The following KIF1B variants were observed in gnomAD, a reference collection of about 807,000 sequenced individuals.
KIF1B encodes the protein kinesin-like protein KIF1B.
A neutral mutation model predicts 241.9 loss-of-function variants in KIF1B; 76 were observed. The observed-to-expected ratio is 0.31, with a 90% CI of 0.26 to 0.38. The LOEUF is 0.38. KIF1B is among the 10% of genes least tolerant of loss of function. The pLI is 1.00. For missense variants in KIF1B, 1,622 were observed against 2,271.4 expected (o/e 0.71, Z 5.81); for synonymous variants, 750 against 796.7 (o/e 0.94, Z 0.99).
rs1638936338 is a variant in KIF1B at position 10,378,192 on chromosome 1, A to G, written c.*1605A>G. 5 of 632,254 alleles carry G rather than the reference A, an allele frequency of 7.9e-6. No homozygotes were observed. The highest frequency in any genetic ancestry group is 5.6e-5 in the South Asian group (3 of 53,698). 39.2% of individuals were successfully genotyped at this position (632,254 alleles called of 1,614,324 possible). ...TGACCACTACTCCAAACAAAACACA[A>G]TATGCCTAGGGGCACGGATGAACGT... On this transcript the variant is annotated 3_prime_UTR_variant, in exon 49 of 49. Transcript: ENST00000676179.
rs1360230792 is a variant in KIF1B, at chr1:10,380,230, TACTTGC to T, written c.*3646_*3651del. Reference sequence around the variant, plus strand: ...CTATGTATATTTATCCAGCTATACTTACTTGCACAGTGGATTGGAGAGAAAGGATTC... The same window carrying T: ...CTATGTATATTTATCCAGCTATACTTACAGTGGATTGGAGAGAAAGGATTC... On this transcript the variant is annotated 3_prime_UTR_variant, in exon 49 of 49. Coordinates refer to ENST00000676179, the MANE Select transcript of KIF1B (RefSeq NM_001365951.3). The T allele has an allele frequency of 4.7e-6, 1 of 212,304 alleles. No individual in the cohort carries two copies. The highest frequency in any genetic ancestry group is 9.6e-6 in the Non-Finnish European group (1 of 104,596). The allele number at this position is 212,304 out of a possible 1,614,324, so 13.2% of individuals were successfully genotyped here.
At chr1:10,324,629 A>T (rs951592843) in intron 25 of KIF1B, 129 bp from the exon 26 acceptor site, 1 of 1,084,140 alleles carries the variant, frequency 9.2e-7, no homozygotes, top group Admixed American at 2.1e-5. Context: ...TCTTTTTAGT[A>T]ACATTAAACA....
intron 2 of KIF1B, among the ~76,000 whole-genome samples, chr1:10,235,088 C>T (rs951985942): frequency 6.6e-6 from 1 of 151,820 alleles, no homozygotes; most frequent in Non-Finnish European, 1.5e-5. Context: ...TGGGGTTTCA[C>T]CATGTTGGCC....
chr1:10,275,960 C>T (rs955130623), intron 11 of KIF1B, among the ~76,000 whole-genome samples: 5 of 149,436 alleles, frequency 3.3e-5, no homozygotes, highest in African/African-American at 4.9e-5. Flanking sequence ...GGCTGGAGTG[C>T]GGTGGTGCAA....
At chr1:10,292,171 T>C in intron 17 of KIF1B, 49 bp downstream of exon 17, 1 of 1,470,688 alleles carries the variant, frequency 6.8e-7, no homozygotes, top group Non-Finnish European at 9.5e-7. Flanking sequence ...ACTTTTTGTT[T>C]GTCTTTGTTA....
intron 22 of KIF1B, among the ~76,000 whole-genome samples, chr1:10,300,717 A>G (rs924606797): frequency 6.6e-6 from 1 of 152,242 alleles, no homozygotes; most frequent in African/African-American, 2.4e-5. Context: ...CAGTTTATAC[A>G]TATTTGCAAA....
At chr1:10,369,072 C>CT (rs572416860) in intron 44 of KIF1B, among the ~76,000 whole-genome samples, 121 of 152,284 alleles carry the variant, frequency 7.9e-4, no homozygotes, top group African/African-American at 2.8e-3. Context: ...TCCCTTACCT[C>CT]TTTCATTTTT....
chr1:10,334,650 T>G lies in KIF1B; in HGVS notation c.3043+12T>G. The G allele has an allele frequency of 1.3e-6, 2 of 1,590,772 alleles. No homozygotes were observed. Among genetic ancestry groups the G allele is most frequent in the South Asian group, 1.1e-5 (1 of 90,498 alleles). On this transcript the variant is annotated intron_variant, in intron 28 of 48. Transcript: ENST00000676179. Reference sequence around the variant, plus strand: ...ACAGGCCATCGCAGGTAGGTGACCCTCTTCTGAAATGAGAGCTGTGAGTTC... The same window carrying G: ...ACAGGCCATCGCAGGTAGGTGACCCGCTTCTGAAATGAGAGCTGTGAGTTC...
chr1:10,271,607 G>C, intron 8 of KIF1B, 28 bp downstream of exon 8: 4 of 1,477,406 alleles, frequency 2.7e-6, no homozygotes, highest in Non-Finnish European at 3.8e-6. Flanking sequence ...TAAATGGCCT[G>C]ATCAATAAAT....
rs886044986 is a variant in KIF1B at position 10,376,866 on chromosome 1, C to CAT, written c.*281_*282dup. 5.1e-3 allele frequency: 1,720 copies of CAT among 339,068 alleles called. 23 individuals carry two copies. The highest frequency in any genetic ancestry group is 0.05 in the Admixed American group (1,178 of 23,470). 21.0% of individuals were successfully genotyped at this position (339,068 alleles called of 1,614,324 possible). ...ACACACACACACACACACACACACACATACACAGACAAAAACACAAAAACT... is the reference window on the plus strand; with the variant it reads ...ACACACACACACACACACACACACACATATACACAGACAAAAACACAAAAACT... On this transcript the variant is annotated 3_prime_UTR_variant, in exon 49 of 49. Transcript: ENST00000676179.
At chr1:10,233,568 T>C (rs932248626) in intron 2 of KIF1B, among the ~76,000 whole-genome samples, 19 of 152,196 alleles carry the variant, frequency 1.2e-4, no homozygotes, top group African/African-American at 4.6e-4. Flanking sequence ...TGTAGTTCAC[T>C]CTTCTATGTC....
chr1:10,281,458 C>T (rs12131785), intron 14 of KIF1B, among the ~76,000 whole-genome samples: 21,908 of 151,992 alleles, frequency 0.14, 2,062 homozygotes, highest in Non-Finnish European at 0.22. Flanking sequence ...CTATTAAAGA[C>T]TTAGTAAATG....
intron 3 of KIF1B, among the ~76,000 whole-genome samples, chr1:10,257,114 T>G (rs1647833969): frequency 6.6e-6 from 1 of 151,676 alleles, no homozygotes; most frequent in Admixed American, 6.6e-5. Flanking sequence ...TTGTTTTTTT[T>G]TTGTTTGTTT....
chr1:10,216,138 A>G (rs1646764727), intron 1 of KIF1B, among the ~76,000 whole-genome samples: 1 of 152,202 alleles, frequency 6.6e-6, no homozygotes, highest in Admixed American at 6.5e-5. Context: ...CAAAATCATA[A>G]GTACTAGTAA....
At chr1:10,245,363 C>CT (rs750869781) in intron 2 of KIF1B, among the ~76,000 whole-genome samples, 2 of 152,158 alleles carry the variant, frequency 1.3e-5, no homozygotes, top group African/African-American at 2.4e-5. Context: ...CATCAGTAAA[C>CT]TAAGACCTTT....
At chr1:10,287,369 G>A (rs936988467) in intron 15 of KIF1B, among the ~76,000 whole-genome samples, 13 of 152,024 alleles carry the variant, frequency 8.6e-5, no homozygotes, top group African/African-American at 2.9e-4. Context: ...GCTAATTTTC[G>A]TATTTTTAGT....
intron 26 of KIF1B, among the ~76,000 whole-genome samples, chr1:10,325,544 G>A (rs1316086560): frequency 2.0e-5 from 3 of 152,052 alleles, no homozygotes. Flanking sequence ...AAAGAGGCTG[G>A]GTAAAAAGGA....
At chr1:10,274,141 T>A (rs976551006) in intron 10 of KIF1B, among the ~76,000 whole-genome samples, 2 of 152,010 alleles carry the variant, frequency 1.3e-5, no homozygotes, top group Admixed American at 6.6e-5. Flanking sequence ...TTTCATCACG[T>A]TGGCCAGGCT....
At position 10,377,268 on chromosome 1, in the gene KIF1B, T is replaced by C. The variant is rs1337527016; in HGVS notation, c.*681T>C. On this transcript the variant is annotated 3_prime_UTR_variant, in exon 49 of 49. Coordinates refer to ENST00000676179, the MANE Select transcript of KIF1B (RefSeq NM_001365951.3). ...GTTGGGGCTTTTTACGGCATAATTA[T>C]GGAATTTTTATTTACTGGTAGAGAG... 4.4e-6 allele frequency: 1 copy of C among 229,738 alleles called. No individual in the cohort carries two copies. Among genetic ancestry groups the C allele is most frequent in the Non-Finnish European group, 8.6e-6 (1 of 115,758 alleles). The allele number at this position is 229,738 out of a possible 1,614,324, so 14.2% of individuals were successfully genotyped here. A position where few individuals can be genotyped will look rare whatever the true frequency, so the allele number is the denominator to read the frequency against.
Sources: gnomAD v4.1 joint callset for allele counts (sites outside exome capture counted in the v4.1 genomes callset) on GRCh38, gnomAD v4.1.1 for gene constraint, MANE v1.5 for transcripts, NCBI Gene and HGNC (gene_info 2026-07-23, HGNC 2026-07-21) for gene names.